The following MICU1 variants were observed in gnomAD, a reference collection of about 807,000 sequenced individuals.
MICU1 encodes calcium uptake protein 1, mitochondrial.
A neutral mutation model predicts 56.8 loss-of-function variants in MICU1; 45 were observed. The observed-to-expected ratio is 0.79, with a 90% CI of 0.62 to 1.02. The LOEUF is 1.02. Among genes scored for constraint, MICU1 ranks in the 50% least tolerant of loss-of-function variants. The pLI is 0.00. For synonymous variants in MICU1, 186 were observed against 195.1 expected, an observed-to-expected ratio of 0.95 and a Z score of 0.39; for missense variants, 504 against 587.1, an observed-to-expected ratio of 0.86 and a Z score of 1.46.
At chr10:72,554,194 T>C (rs1337768960) in intron 3 of MICU1, among the ~76,000 whole-genome samples, 1 of 152,194 alleles carries the variant, frequency 6.6e-6, no homozygotes, top group Admixed American at 6.5e-5. Context: ...AGGGACAGTG[T>C]CTGTTTATAA....
chr10:72,537,178 G>T (rs1839658323), intron 4 of MICU1, among the ~76,000 whole-genome samples: 1 of 152,170 alleles, frequency 6.6e-6, no homozygotes, highest in African/African-American at 2.4e-5. Flanking sequence ...CAAGTTGAAA[G>T]AAATGATTAT....
chr10:72,568,099 C>T (rs1429278113), intron 1 of MICU1, among the ~76,000 whole-genome samples: 1 of 152,112 alleles, frequency 6.6e-6, no homozygotes, highest in African/African-American at 2.4e-5. Flanking sequence ...GGAGACTTTG[C>T]TGCCCCCTAC....
At chr10:72,444,322 TCTAA>T (rs888073162) in intron 8 of MICU1, among the ~76,000 whole-genome samples, 2 of 151,898 alleles carry the variant, frequency 1.3e-5, no homozygotes, top group African/African-American at 2.4e-5. Flanking sequence ...TGTATACATA[TCTAA>T]CTAACCTGCA....
intron 3 of MICU1, among the ~76,000 whole-genome samples, chr10:72,554,743 C>G (rs992040155): frequency 3.3e-5 from 5 of 152,062 alleles, no homozygotes; most frequent in Admixed American, 6.6e-5. Context: ...GGCCAGGCGC[C>G]GTGGCTCATG....
intron 8 of MICU1, among the ~76,000 whole-genome samples, chr10:72,461,715 C>T (rs1027973094): frequency 6.6e-6 from 1 of 152,128 alleles, no homozygotes; most frequent in Non-Finnish European, 1.5e-5. Context: ...TTTGGGAGGC[C>T]AAGGCAGGAT....
At chr10:72,411,488 C>A (rs958729822) in intron 9 of MICU1, among the ~76,000 whole-genome samples, 1 of 151,920 alleles carries the variant, frequency 6.6e-6, no homozygotes, top group Non-Finnish European at 1.5e-5. Flanking sequence ...CCACTGCACC[C>A]GGCTAATTTT....
intron 8 of MICU1, among the ~76,000 whole-genome samples, chr10:72,449,412 T>G (rs1011010006): frequency 3.3e-5 from 5 of 152,028 alleles, no homozygotes; most frequent in African/African-American, 1.2e-4. Context: ...AAAAAAATTT[T>G]TTTTTGGTAA....
intron 8 of MICU1, among the ~76,000 whole-genome samples, chr10:72,449,102 T>A (rs1017322973): frequency 1.2e-4 from 19 of 152,140 alleles, no homozygotes; most frequent in Non-Finnish European, 7.3e-5. Context: ...CCAGCTAATT[T>A]AAAAAATTTT....
intron 1 of MICU1, among the ~76,000 whole-genome samples, chr10:72,567,754 C>T (rs909450296): frequency 1.3e-5 from 2 of 152,080 alleles, no homozygotes; most frequent in Admixed American, 6.6e-5. Context: ...TTGAGTGTCC[C>T]ACTAGTTCCT....
At chr10:72,479,711 A>C (rs890612752) in intron 6 of MICU1, among the ~76,000 whole-genome samples, 3 of 152,072 alleles carry the variant, frequency 2.0e-5, no homozygotes, top group Non-Finnish European at 4.4e-5. Context: ...TGTTTTGTGG[A>C]GATGTGGTCT....
intron 5 of MICU1, among the ~76,000 whole-genome samples, chr10:72,512,663 T>C (rs1413328891): frequency 4.6e-5 from 7 of 151,424 alleles, no homozygotes; most frequent in Non-Finnish European, 7.4e-5. Flanking sequence ...CTGGGTCATA[T>C]GGCAGCTCTA....
chr10:72,539,144 G>A (rs920826467), intron 4 of MICU1, among the ~76,000 whole-genome samples: 2 of 152,042 alleles, frequency 1.3e-5, no homozygotes, highest in Admixed American at 1.3e-4. Flanking sequence ...ATAATATTAG[G>A]GGGCTTCAAC....
In MICU1 at chr10:72,562,998, T is replaced by A; in HGVS notation, c.227A>T (p.Asn76Ile). ...LKSDIGDKGK[N>I]KDEGDVCNHE... The stretch of plus-strand genomic sequence containing the variant: ...GTTACAAACATCCCCTTCATCTTTA[T>A]TCTTCCCTTTATCACCGATGTCACT... Residue 76 changes from asparagine (N) to isoleucine (I), a missense_variant, in exon 3 of 12, where the codon AAT becomes ATT. Coordinates refer to ENST00000361114, the MANE Select transcript of MICU1 (RefSeq NM_001195518.2). 6.2e-7 allele frequency: 1 copy of A among 1,609,754 alleles called. No homozygotes were observed. Among genetic ancestry groups the A allele is most frequent in the Non-Finnish European group, 8.5e-7 (1 of 1,178,014 alleles).
intron 5 of MICU1, among the ~76,000 whole-genome samples, chr10:72,521,687 T>C (rs917390780): frequency 6.6e-6 from 1 of 152,064 alleles, no homozygotes; most frequent in African/African-American, 2.4e-5. Context: ...ATATGTTACA[T>C]TGTATCAACT....
chr10:72,549,819 TA>T (rs2132441017), intron 4 of MICU1, among the ~76,000 whole-genome samples: 1 of 150,134 alleles, frequency 6.7e-6, no homozygotes, highest in South Asian at 2.1e-4. Context: ...TAATGCCAGC[TA>T]CTCAGGAGGC....
chr10:72,585,422 C>T (rs901898219), intron 1 of MICU1, among the ~76,000 whole-genome samples: 2 of 152,030 alleles, frequency 1.3e-5, no homozygotes, highest in Non-Finnish European at 2.9e-5. Flanking sequence ...AGGCCAGGCG[C>T]GGTGGCTCAC....
intron 5 of MICU1, chr10:72,509,439 A>C (rs1334921185): frequency 7.6e-7 from 1 of 1,315,478 alleles, no homozygotes; most frequent in Admixed American, 2.1e-5. Flanking sequence ...CAAAGGAAAG[A>C]AAACTGGTTA....
intron 10 of MICU1, among the ~76,000 whole-genome samples, chr10:72,384,123 A>C (rs2132053057): frequency 6.6e-6 from 1 of 152,300 alleles, no homozygotes; most frequent in South Asian, 2.1e-4. Flanking sequence ...CCTCGGAAGT[A>C]GCTAGGACTA....
chr10:72,476,683 G>A (rs1866134312), intron 7 of MICU1, among the ~76,000 whole-genome samples: 1 of 152,078 alleles, frequency 6.6e-6, no homozygotes, highest in Admixed American at 6.6e-5. Context: ...AACTGTATCT[G>A]GAGAAGCACC....
Sources: allele counts gnomAD v4.1 joint callset (sites outside exome capture counted in the v4.1 genomes callset), GRCh38; gene constraint gnomAD v4.1.1; transcripts MANE v1.5; gene names NCBI Gene and HGNC (gene_info 2026-07-23, HGNC 2026-07-21).